The following RIPK2 variants were observed in gnomAD, a reference collection of about 807,000 sequenced individuals.
RIPK2 encodes the protein receptor interacting serine/threonine kinase 2.
In RIPK2, 38 loss-of-function variants were observed where a neutral mutation model predicts 60.9. The ratio of observed to expected loss-of-function variants is 0.62; its 90% CI spans 0.48 to 0.82. RIPK2 has a LOEUF of 0.82. Among genes scored for constraint, RIPK2 ranks in the 40% least tolerant of loss-of-function variants. RIPK2 has a pLI of 0.00. For synonymous variants in RIPK2, 225 were observed against 223.4 expected, an observed-to-expected ratio of 1.01 and a Z score of -0.06; for missense variants, 518 against 647.0, an observed-to-expected ratio of 0.80 and a Z score of 2.16.
At chr8:89,763,859 A>G (rs1195371897) in intron 2 of RIPK2, among the ~76,000 whole-genome samples, 1 of 152,166 alleles carries the variant, frequency 6.6e-6, no homozygotes, top group Non-Finnish European at 1.5e-5. Flanking sequence ...AGATTTGTAT[A>G]ACTACCACAG....
chr8:89,759,246 T>A, intron 1 of RIPK2: 1 of 455,046 alleles, frequency 2.2e-6, no homozygotes, highest in South Asian at 1.5e-5. Context: ...AGAAGAACAT[T>A]ACAACCGCGT....
chr8:89,781,357 T>TTTTTTTTTC (rs1809496750), intron 7 of RIPK2, among the ~76,000 whole-genome samples: 29 of 25,190 alleles, frequency 1.2e-3, no homozygotes, highest in African/African-American at 7.7e-3. Context: ...AGATTGAATT[T>TTTTTTTTTC]TTTTTTTTTT....
At chr8:89,774,630 G>C (rs1029989893) in intron 6 of RIPK2, among the ~76,000 whole-genome samples, 1 of 152,134 alleles carries the variant, frequency 6.6e-6, no homozygotes, top group Non-Finnish European at 1.5e-5. Context: ...AGTAGAAACG[G>C]TCATAATTAC....
intron 1 of RIPK2, among the ~76,000 whole-genome samples, chr8:89,762,338 C>A (rs528470110): frequency 6.6e-6 from 1 of 151,992 alleles, no homozygotes; most frequent in Non-Finnish European, 1.5e-5. Flanking sequence ...ATATTACTGA[C>A]TTTTATGCAG....
intron 6 of RIPK2, among the ~76,000 whole-genome samples, chr8:89,774,074 C>A (rs758849163): frequency 4.6e-5 from 7 of 150,576 alleles, no homozygotes; most frequent in Non-Finnish European, 8.9e-5. Flanking sequence ...CCAACCTGGG[C>A]AACATAGCAA....
intron 3 of RIPK2, among the ~76,000 whole-genome samples, chr8:89,767,391 T>A (rs1000212765): frequency 6.6e-6 from 1 of 151,628 alleles, no homozygotes; most frequent in African/African-American, 2.4e-5. Context: ...AATAGAGAAG[T>A]TGAAACAACA....
rs968998563 is a variant in RIPK2, at chr8:89,757,909, G to A, written c.-152G>A. On this transcript the variant is annotated 5_prime_UTR_variant, in exon 1 of 11. An upstream start codon of the reference 5' UTR is lost. Transcript: ENST00000220751. ...GGCTGGCGTGGGCCATCCGGGGAAT[G>A]GGCGCCCTCGTGACCTAGTGTTGCG... 1 of 1,384,074 alleles carries A rather than the reference G, an allele frequency of 7.2e-7. No individual in the cohort carries two copies. Among genetic ancestry groups the A allele is most frequent in the African/African-American group, 1.5e-5 (1 of 66,196 alleles). 85.7% of individuals were successfully genotyped at this position (1,384,074 alleles called of 1,614,324 possible).
intron 7 of RIPK2, among the ~76,000 whole-genome samples, chr8:89,781,677 T>C (rs1462600186): frequency 6.6e-6 from 1 of 152,196 alleles, no homozygotes; most frequent in Non-Finnish European, 1.5e-5. Flanking sequence ...TCTTCCCTTA[T>C]GCATGGGAGA....
chr8:89,775,563 A>T (rs543778924), intron 6 of RIPK2, among the ~76,000 whole-genome samples: 16 of 152,230 alleles, frequency 1.1e-4, no homozygotes, highest in Non-Finnish European at 2.1e-4. Context: ...TCAGTGCAAG[A>T]ACTGAGAGAG....
chr8:89,770,280 C>G (rs1179421123), intron 4 of RIPK2, among the ~76,000 whole-genome samples: 1 of 151,764 alleles, frequency 6.6e-6, no homozygotes, highest in Non-Finnish European at 1.5e-5. Context: ...AACCTTTTAG[C>G]TTTTGATATC....
intron 5 of RIPK2, 79 bp downstream of exon 5, chr8:89,771,869 AT>A: frequency 1.1e-6 from 1 of 942,344 alleles, no homozygotes. Flanking sequence ...AAATCATGTT[AT>A]TTTAAATCTG....
intron 3 of RIPK2, among the ~76,000 whole-genome samples, 194 bp downstream of exon 3, chr8:89,765,690 CAG>C (rs1340056603): frequency 1.3e-5 from 2 of 151,638 alleles, no homozygotes; most frequent in African/African-American, 2.4e-5. Context: ...TATTCCTAGA[CAG>C]AGATAGAATT....
At position 89,758,171 on chromosome 8, in the gene RIPK2, C is replaced by G; in HGVS notation, c.111C>G (p.His37Gln). ...GASGTVSSAR[H>Q]ADWRVQVAVK... is the part of the protein sequence containing the mutation. ...CTGGCACTGTGTCGTCCGCCCGCCA[C>G]GCAGACTGGCGCGTCCAGGTGGCCG... is the stretch of plus-strand genomic sequence containing the variant. Residue 37 changes from histidine to glutamine, a missense_variant, in exon 1 of 11, where the codon CAC becomes CAG. Transcript: ENST00000220751. The G allele has an allele frequency of 1.2e-6, 2 of 1,609,976 alleles. No individual in the cohort carries two copies. The highest frequency in any genetic ancestry group is 2.2e-5 in the South Asian group (2 of 90,470).
intron 6 of RIPK2, among the ~76,000 whole-genome samples, chr8:89,779,083 G>A (rs1362526507): frequency 6.6e-6 from 1 of 151,900 alleles, no homozygotes; most frequent in Non-Finnish European, 1.5e-5. Context: ...GAAGACATTT[G>A]TATATCTCCT....
At position 89,784,064 on chromosome 8, in the gene RIPK2, A is replaced by G; in HGVS notation, c.954A>G (p.Ser318=). Residue 318 remains serine (S), a synonymous_variant, in exon 8 of 11, where the codon TCA becomes TCG. Transcript: ENST00000220751. ...QLKKTKLQSV[S]SAIHLCDKKK... is the part of the protein sequence containing the mutation. ...ATTCATTACAGTTACAGAGTGTTTC[A>G]AGTGCCATTCACCTATGTGACAAGA... 6.3e-7 allele frequency: 1 copy of G among 1,576,462 alleles called. No homozygotes were observed. The highest frequency in any genetic ancestry group is 8.7e-7 in the Non-Finnish European group (1 of 1,152,590).
rs548395159 is a variant in RIPK2 at position 89,783,291 on chromosome 8, G to A, written c.940-759G>A. Among the ~76,000 whole-genome samples the A allele has an allele frequency of 2.6e-5, 4 of 152,180 alleles. No homozygotes were observed. The South Asian group carries it at 8.3e-4, about 32-fold the overall frequency. ...ATCCAAGCCTAGCTTATATAGACAG[G>A]AATAAACCACTTAATTTTAACACAA... On this transcript the variant is annotated intron_variant, in intron 7 of 10. Transcript: ENST00000220751.
rs751677459 is a variant in RIPK2, at chr8:89,765,511, A to C, written c.483+15A>C. Reference sequence around the variant, plus strand: ...TTCATGTTAAGGTAATTACTTTTTTAAAAAGTTTATGTTTCCTTGTCCTTA... The same window carrying C: ...TTCATGTTAAGGTAATTACTTTTTTCAAAAGTTTATGTTTCCTTGTCCTTA... On this transcript the variant is annotated intron_variant, in intron 3 of 10. Coordinates refer to ENST00000220751, the MANE Select transcript of RIPK2 (RefSeq NM_003821.6). 2.0e-6 allele frequency: 3 copies of C among 1,516,916 alleles called. No homozygotes were observed. Among genetic ancestry groups the C allele is most frequent in the Non-Finnish European group, 2.7e-6 (3 of 1,102,540 alleles). 94.0% of individuals were successfully genotyped at this position (1,516,916 alleles called of 1,614,324 possible).
intron 8 of RIPK2, among the ~76,000 whole-genome samples, chr8:89,785,180 A>C (rs1296393685): frequency 1.3e-5 from 2 of 152,186 alleles, no homozygotes; most frequent in Non-Finnish European, 2.9e-5. Flanking sequence ...TCGCAGTCAA[A>C]ACATTGTTTC....
At chr8:89,787,218 G>A (rs1024057193) in intron 9 of RIPK2, among the ~76,000 whole-genome samples, 34 of 152,018 alleles carry the variant, frequency 2.2e-4, no homozygotes, top group Non-Finnish European at 3.7e-4. Context: ...GAAAATGTCC[G>A]CAAAAAAATC....
Sources: allele counts gnomAD v4.1 joint callset (sites outside exome capture counted in the v4.1 genomes callset), GRCh38; gene constraint gnomAD v4.1.1; transcripts MANE v1.5; gene names NCBI Gene and HGNC (gene_info 2026-07-23, HGNC 2026-07-21).